ADGRB3: variants seen among roughly 807,000 people sequenced by gnomAD.
ADGRB3 encodes the protein adhesion G protein-coupled receptor B3, also known as brain-specific angiogenesis inhibitor 3.
Under a neutral mutation model 193.4 loss-of-function variants are expected in ADGRB3, and 37 were observed. The observed-to-expected ratio is 0.19, with a 90% confidence interval of 0.15 to 0.25. The LOEUF (loss-of-function observed/expected upper bound fraction) is 0.25. Ranked by LOEUF, ADGRB3 falls within the 10% of genes least tolerant of loss-of-function variation. ADGRB3 has a pLI of 1.00. For synonymous variants in ADGRB3, 690 were observed against 644.2 expected (o/e 1.07, Z -1.08); for missense variants, 1,637 against 1,852.9 (o/e 0.88, Z 2.14).
chr6:68,828,429 G>A (rs1436222114), intron 3 of ADGRB3, among the ~76,000 whole-genome samples: 1 of 152,054 alleles, frequency 6.6e-6, no homozygotes, highest in Non-Finnish European at 1.5e-5. Context: ...ACCTTTAATG[G>A]TGATTCTATA....
chr6:69,197,930 A>G (rs1765336204), intron 17 of ADGRB3, among the ~76,000 whole-genome samples: 1 of 152,058 alleles, frequency 6.6e-6, no homozygotes, highest in Non-Finnish European at 1.5e-5. Context: ...ACTTAATTCA[A>G]GACTTACCTC....
At chr6:69,172,427 A>G (rs1033471667) in intron 17 of ADGRB3, among the ~76,000 whole-genome samples, 2 of 151,804 alleles carry the variant, frequency 1.3e-5, no homozygotes, top group Non-Finnish European at 2.9e-5. Context: ...GTGGATCACG[A>G]GGTCAGGAGA....
chr6:69,306,335 CTT>C (rs1185361727), intron 20 of ADGRB3, among the ~76,000 whole-genome samples: 1 of 151,426 alleles, frequency 6.6e-6, no homozygotes, highest in Non-Finnish European at 1.5e-5. Context: ...ACATTTTTCT[CTT>C]GTTTTGCCTT....
intron 10 of ADGRB3, among the ~76,000 whole-genome samples, chr6:68,978,961 A>G (rs1466874353): frequency 6.6e-6 from 1 of 151,296 alleles, no homozygotes; most frequent in Non-Finnish European, 1.5e-5. Context: ...TATAGCAATC[A>G]CCTAAATTTG....
chr6:69,366,413 T>G (rs899761603), intron 29 of ADGRB3, among the ~76,000 whole-genome samples: 1 of 152,166 alleles, frequency 6.6e-6, no homozygotes, highest in Admixed American at 6.6e-5. Flanking sequence ...CAGTGGAATT[T>G]ATTACTTGCT....
At chr6:68,864,199 C>T (rs1251213743) in intron 3 of ADGRB3, among the ~76,000 whole-genome samples, 1 of 152,196 alleles carries the variant, frequency 6.6e-6, no homozygotes, top group Admixed American at 6.5e-5. Context: ...ACTTATTGGA[C>T]TGCCCAGAAT....
chr6:68,814,606 T>G (rs801263), intron 3 of ADGRB3, among the ~76,000 whole-genome samples: 112,497 of 151,984 alleles, frequency 0.74, 42,230 homozygotes, highest in African/African-American at 0.86. Context: ...TGGTGTTTTA[T>G]ACATGAAGTC....
rs533572268 is a variant in ADGRB3, at chr6:68,811,595, A to C, written c.758-118964A>C. On this transcript the variant is annotated intron_variant, in intron 3 of 31. Transcript: ENST00000370598. The stretch of plus-strand genomic sequence containing the variant: ...GCAATTCTTCTACTTCAACCTCCCA[A>C]GTAGCTGGAATTACAGGCATACACC... Among the ~76,000 whole-genome samples, 38 of 152,078 alleles carry C rather than the reference A, an allele frequency of 2.5e-4. 1 individual carries two copies. Among genetic ancestry groups the C allele is most frequent in the African/African-American group, 8.7e-4 (36 of 41,500 alleles).
chr6:68,905,293 G>A (rs375610133), intron 3 of ADGRB3, among the ~76,000 whole-genome samples: 14 of 152,076 alleles, frequency 9.2e-5, no homozygotes, highest in South Asian at 2.1e-4. Flanking sequence ...AGTTTGCTTC[G>A]TTCGTGATAG....
intron 17 of ADGRB3, among the ~76,000 whole-genome samples, chr6:69,212,479 A>G (rs549448212): frequency 6.6e-6 from 1 of 152,206 alleles, no homozygotes; most frequent in African/African-American, 2.4e-5. Flanking sequence ...TTAAGGTTAA[A>G]GATGATTATT....
chr6:68,662,349 A>T (rs1280564082), intron 3 of ADGRB3, among the ~76,000 whole-genome samples: 1 of 151,576 alleles, frequency 6.6e-6, no homozygotes, highest in African/African-American at 2.4e-5. Flanking sequence ...CATTATCAAT[A>T]AGAAAAATAA....
intron 17 of ADGRB3, among the ~76,000 whole-genome samples, chr6:69,183,821 A>C (rs1765003413): frequency 6.6e-6 from 1 of 152,090 alleles, no homozygotes; most frequent in Non-Finnish European, 1.5e-5. Flanking sequence ...GACATGAACA[A>C]ACTCATTTTT....
chr6:68,755,423 G>A (rs1031931079), intron 3 of ADGRB3, among the ~76,000 whole-genome samples: 1 of 152,144 alleles, frequency 6.6e-6, no homozygotes, highest in Non-Finnish European at 1.5e-5. Context: ...ATAAGAGCTA[G>A]TATGGATTCT....
intron 30 of ADGRB3, among the ~76,000 whole-genome samples, chr6:69,373,111 C>T (rs1041048055): frequency 5.9e-5 from 9 of 151,880 alleles, no homozygotes; most frequent in East Asian, 3.9e-4. Flanking sequence ...AAATTAATGA[C>T]GTTTAAGCAC....
chr6:69,260,220 T>C (rs765465945), intron 20 of ADGRB3, among the ~76,000 whole-genome samples: 35 of 152,210 alleles, frequency 2.3e-4, no homozygotes, highest in Non-Finnish European at 3.4e-4. Flanking sequence ...TAGACCAGAC[T>C]GGATGAGAAT....
intron 3 of ADGRB3, among the ~76,000 whole-genome samples, chr6:68,886,047 A>T (rs1765898117): frequency 6.6e-6 from 1 of 152,180 alleles, no homozygotes; most frequent in African/African-American, 2.4e-5. Flanking sequence ...AGAGTCCTAG[A>T]AAACAATTTT....
At chr6:69,252,481 C>T (rs1766644043) in intron 20 of ADGRB3, among the ~76,000 whole-genome samples, 1 of 152,034 alleles carries the variant, frequency 6.6e-6, no homozygotes, top group Non-Finnish European at 1.5e-5. Flanking sequence ...AGAAAAAATA[C>T]AAACTGCTGA....
At chr6:69,152,005 A>G (rs1284212894) in intron 17 of ADGRB3, among the ~76,000 whole-genome samples, 1 of 152,078 alleles carries the variant, frequency 6.6e-6, no homozygotes, top group East Asian at 1.9e-4. Context: ...AGAAGGCCAT[A>G]TTTGCTTCCC....
At chr6:68,790,525 G>A (rs928948356) in intron 3 of ADGRB3, among the ~76,000 whole-genome samples, 1 of 152,142 alleles carries the variant, frequency 6.6e-6, no homozygotes, top group Admixed American at 6.5e-5. Flanking sequence ...TAGCCTAACT[G>A]GGAGGCACCC....
Sources: gnomAD v4.1 joint callset for allele counts (sites outside exome capture counted in the v4.1 genomes callset) on GRCh38, gnomAD v4.1.1 for gene constraint, MANE v1.5 for transcripts, NCBI Gene and HGNC (gene_info 2026-07-23, HGNC 2026-07-21) for gene names.